Variants in BAIAP2 observed in about 807,000 individuals in gnomAD.
BAIAP2 encodes BAR/IMD domain containing adaptor protein 2, also known as BAR/IMD domain-containing adapter protein 2.
BAIAP2 carries 18 observed loss-of-function variants against 63.0 expected under a neutral mutation model. That is an observed-to-expected ratio of 0.29 (90% CI 0.20 to 0.42). The LOEUF (loss-of-function observed/expected upper bound fraction) is 0.42, where lower values mean the gene tolerates loss of function less well. Ranked by LOEUF, BAIAP2 falls within the 10% of genes least tolerant of loss-of-function variation. The pLI, the probability that BAIAP2 is intolerant of heterozygous loss-of-function variation, is 1.00. For synonymous variants in BAIAP2, 386 were observed against 307.6 expected (o/e 1.25, Z -2.67); for missense variants, 610 against 734.3 (o/e 0.83, Z 1.96).
At position 81,085,714 on chromosome 17, in the gene BAIAP2, A is replaced by G; in HGVS notation, c.340A>G (p.Arg114Gly). 1 of 1,613,486 alleles carries G rather than the reference A, an allele frequency of 6.2e-7. No homozygotes were observed. The highest frequency in any genetic ancestry group is 8.5e-7 in the Non-Finnish European group (1 of 1,179,842). Residue 114 changes from arginine (R) to glycine (G), a missense_variant, in exon 5 of 14, where the codon AGG becomes GGG. Physicochemically the swap from Arg to Gly is moderately radical, Grantham distance 125. Coordinates refer to ENST00000428708, the MANE Select transcript of BAIAP2 (RefSeq NM_001144888.2). ...GGAGCAGAAGGTGGAGCTGGACTCC[A>G]GGTATCTGAGTGTAAGTGCACCCTG... ...QLEQKVELDS[R>G]YLSAALKKYQ...
At chr17:81,102,917 C>A (rs1167042777) in intron 7 of BAIAP2, among the ~76,000 whole-genome samples, 1 of 152,242 alleles carries the variant, frequency 6.6e-6, no homozygotes, top group Non-Finnish European at 1.5e-5. Flanking sequence ...GGCTCCCAGT[C>A]CCAGAACCTT....
At chr17:81,055,106 G>A (rs1168712652) in intron 2 of BAIAP2, among the ~76,000 whole-genome samples, 1 of 152,220 alleles carries the variant, frequency 6.6e-6, no homozygotes, top group Non-Finnish European at 1.5e-5. Context: ...TGGTGTTGCG[G>A]CACCCATGGG....
chr17:81,093,752 G>A (rs1321756869), intron 6 of BAIAP2, among the ~76,000 whole-genome samples: 4 of 152,158 alleles, frequency 2.6e-5, no homozygotes, highest in Non-Finnish European at 4.4e-5. Flanking sequence ...GGAGAGATGC[G>A]TGCTATTTAA....
intron 3 of BAIAP2, among the ~76,000 whole-genome samples, chr17:81,058,641 A>T (rs1418775322): frequency 6.6e-6 from 1 of 152,166 alleles, no homozygotes; most frequent in Non-Finnish European, 1.5e-5. Flanking sequence ...TCCCAGAGCG[A>T]GCTGTGGCCG....
chr17:81,098,142 C>T (rs1432007482), intron 6 of BAIAP2: 13 of 1,460,268 alleles, frequency 8.9e-6, no homozygotes, highest in South Asian at 1.4e-5. Flanking sequence ...GGGACAGAGG[C>T]AGAGAGCCCT....
intron 3 of BAIAP2, among the ~76,000 whole-genome samples, chr17:81,060,797 G>A (rs1273900663): frequency 6.6e-6 from 1 of 152,112 alleles, no homozygotes; most frequent in Non-Finnish European, 1.5e-5. Flanking sequence ...GTCTAAGAGG[G>A]CAGGTTTATG....
chr17:81,089,394 C>T (rs553785475), intron 6 of BAIAP2, among the ~76,000 whole-genome samples: 1 of 152,308 alleles, frequency 6.6e-6, no homozygotes, highest in Non-Finnish European at 1.5e-5. Flanking sequence ...GGGCCTTGGC[C>T]CTGCCTCAGT....
chr17:81,105,167 AAT>A (rs1425008606), intron 10 of BAIAP2: 3 of 94,656 alleles, frequency 3.2e-5, no homozygotes, highest in Non-Finnish European at 7.9e-5. Context: ...GTCTCCCCCC[AAT>A]GGCAGGGGTC....
chr17:81,042,398 C>T (rs1179087626), intron 1 of BAIAP2, among the ~76,000 whole-genome samples: 4 of 152,032 alleles, frequency 2.6e-5, no homozygotes, highest in African/African-American at 4.8e-5. Context: ...TCAAGCAGTC[C>T]TCCCACCTTG....
chr17:81,047,644 ACG>A (rs1409598562), intron 1 of BAIAP2, among the ~76,000 whole-genome samples: 5 of 9,874 alleles, frequency 5.1e-4, no homozygotes, highest in African/African-American at 1.9e-3. Context: ...ACAGGTAAAC[ACG>A]CAGCTCATGC....
intron 6 of BAIAP2, among the ~76,000 whole-genome samples, chr17:81,090,500 T>C (rs573981714): frequency 2.0e-5 from 3 of 152,260 alleles, no homozygotes; most frequent in Non-Finnish European, 4.4e-5. Context: ...TCATTTCTCC[T>C]GCGTCCCACT....
At chr17:81,057,857 C>G in intron 2 of BAIAP2, 24 bp from the exon 3 acceptor site, 1 of 1,604,634 alleles carries the variant, frequency 6.2e-7, no homozygotes, top group Non-Finnish European at 8.5e-7. Flanking sequence ...GAGGAAATAA[C>G]TGCTCCCTTT....
intron 6 of BAIAP2, chr17:81,098,182 G>A (rs1383629176): frequency 2.1e-6 from 3 of 1,449,894 alleles, no homozygotes; most frequent in African/African-American, 1.4e-5. Flanking sequence ...TCCACCTACA[G>A]CCCTGTTGGT....
At chr17:81,077,887 T>A (rs2053932930) in intron 3 of BAIAP2, among the ~76,000 whole-genome samples, 1 of 145,198 alleles carries the variant, frequency 6.9e-6, no homozygotes, top group South Asian at 2.2e-4. Context: ...GCCAGTGCCA[T>A]CTTAGATCTG....
intron 1 of BAIAP2, among the ~76,000 whole-genome samples, chr17:81,043,719 GC>G (rs111916346): frequency 0.031 from 4,670 of 152,336 alleles, 100 homozygotes; most frequent in South Asian, 0.088. Flanking sequence ...GGGTGTCCCT[GC>G]CTGACAGGGG....
intron 1 of BAIAP2, among the ~76,000 whole-genome samples, chr17:81,048,295 A>C (rs1308618993): frequency 6.7e-6 from 1 of 149,922 alleles, no homozygotes; most frequent in African/African-American, 2.5e-5. Context: ...GAGGCAGGAG[A>C]ATCACTTGCT....
At chr17:81,094,962 T>C (rs2057382234) in intron 6 of BAIAP2, among the ~76,000 whole-genome samples, 1 of 152,214 alleles carries the variant, frequency 6.6e-6, no homozygotes, top group African/African-American at 2.4e-5. Context: ...CAAAGCCGCC[T>C]TGGTTTTTTC....
chr17:81,089,887 C>G (rs1455168039), intron 6 of BAIAP2, among the ~76,000 whole-genome samples: 5 of 152,152 alleles, frequency 3.3e-5, no homozygotes, highest in Non-Finnish European at 7.4e-5. Flanking sequence ...CCCAGCAGCC[C>G]CCTTGGAAAG....
At chr17:81,052,250 G>A (rs752122878) in intron 1 of BAIAP2, among the ~76,000 whole-genome samples, 12 of 152,194 alleles carry the variant, frequency 7.9e-5, no homozygotes, top group South Asian at 2.1e-4. Context: ...TCCACGTCTC[G>A]CTGAGCACGC....
Sources: allele counts gnomAD v4.1 joint callset (sites outside exome capture counted in the v4.1 genomes callset), GRCh38; gene constraint gnomAD v4.1.1; transcripts MANE v1.5; gene names NCBI Gene and HGNC (gene_info 2026-07-23, HGNC 2026-07-21).